The following GRIA1 variants were observed in gnomAD, a reference collection of about 807,000 sequenced individuals.
The protein encoded by GRIA1 is glutamate receptor 1.
In GRIA1, 31 loss-of-function variants were observed where a neutral mutation model predicts 99.2. The ratio of observed to expected loss-of-function variants is 0.31; its 90% CI spans 0.23 to 0.42. GRIA1 has a LOEUF of 0.42. GRIA1 is among the 10% of genes least tolerant of loss of function. The pLI is 1.00. For missense variants in GRIA1, 782 were observed against 1,157.5 expected (o/e 0.68, Z 4.71); for synonymous variants, 438 against 432.4 (o/e 1.01, Z -0.16).
intron 1 of GRIA1, chr5:153,492,162 G>A: frequency 6.7e-7 from 1 of 1,496,094 alleles, no homozygotes. Context: ...TGTGTTTGAG[G>A]GGGGATGTGG....
At chr5:153,629,023 TC>T (rs1025034374) in intron 2 of GRIA1, among the ~76,000 whole-genome samples, 3 of 152,158 alleles carry the variant, frequency 2.0e-5, no homozygotes, top group Non-Finnish European at 4.4e-5. Context: ...AATGAGAACC[TC>T]CAGCCCAGGG....
At chr5:153,577,167 TGGATGGATGGA>T (rs1762641608) in intron 2 of GRIA1, among the ~76,000 whole-genome samples, 1 of 148,806 alleles carries the variant, frequency 6.7e-6, no homozygotes, top group African/African-American at 2.5e-5. Flanking sequence ...GATGGATGGA[TGGATGGATGGA>T]TGGATGGATG....
Position 153,647,106 on chromosome 5 carries a change from C to T in GRIA1, c.399C>T (p.Leu133=). Residue 133 remains leucine, a synonymous_variant, in exon 3 of 16, where the codon CTC becomes CTT. Coordinates refer to ENST00000285900, the MANE Select transcript of GRIA1 (RefSeq NM_000827.4). ...TGCGCCCTGAACTGCAGGATGCCCT[C>T]ATCAGCATCATTGACCATTACAAGT... is the stretch of plus-strand genomic sequence containing the variant. The part of the protein sequence containing the change: ...LQLRPELQDA[L]ISIIDHYKWQ... 1 of 1,613,862 alleles carries T rather than the reference C, an allele frequency of 6.2e-7. No homozygotes were observed. The highest frequency in any genetic ancestry group is 8.5e-7 in the Non-Finnish European group (1 of 1,179,856).
intron 8 of GRIA1, among the ~76,000 whole-genome samples, chr5:153,693,300 G>A (rs1757891093): frequency 6.6e-6 from 1 of 152,112 alleles, no homozygotes; most frequent in South Asian, 2.1e-4. Flanking sequence ...CTCAATCAGA[G>A]GTAAAACAAG....
intron 2 of GRIA1, among the ~76,000 whole-genome samples, chr5:153,634,650 C>G (rs1443352672): frequency 6.6e-6 from 1 of 152,174 alleles, no homozygotes; most frequent in African/African-American, 2.4e-5. Context: ...ATCTCACACC[C>G]CTGCGGAAAA....
intron 11 of GRIA1, among the ~76,000 whole-genome samples, chr5:153,729,396 A>T (rs990024181): frequency 6.6e-6 from 1 of 151,988 alleles, no homozygotes; most frequent in Admixed American, 6.6e-5. Context: ...ATAATAAAAT[A>T]AAATTAATTA....
At chr5:153,597,842 T>TAAA (rs372705510) in intron 2 of GRIA1, among the ~76,000 whole-genome samples, 3 of 142,082 alleles carry the variant, frequency 2.1e-5, no homozygotes, top group Non-Finnish European at 1.5e-5. Flanking sequence ...ACCCCGTCTC[T>TAAA]AAAAAAAAAA....
chr5:153,738,644 T>C (rs1189006106), intron 11 of GRIA1, among the ~76,000 whole-genome samples: 1 of 151,802 alleles, frequency 6.6e-6, no homozygotes, highest in South Asian at 2.1e-4. Context: ...TCCTCCACCC[T>C]TGCTGCCATG....
chr5:153,504,559 G>A (rs888176610), intron 2 of GRIA1, among the ~76,000 whole-genome samples: 2 of 152,068 alleles, frequency 1.3e-5, no homozygotes, highest in Non-Finnish European at 2.9e-5. Context: ...AGTCAGAAGA[G>A]CCACCAATGA....
At chr5:153,562,223 G>A (rs2149353431) in intron 2 of GRIA1, among the ~76,000 whole-genome samples, 1 of 152,276 alleles carries the variant, frequency 6.6e-6, no homozygotes, top group South Asian at 2.1e-4. Context: ...TAAGGGAAGT[G>A]TCATGAGCAG....
intron 2 of GRIA1, among the ~76,000 whole-genome samples, chr5:153,621,184 G>T (rs551089038): frequency 1.3e-5 from 2 of 152,238 alleles, no homozygotes; most frequent in South Asian, 4.1e-4. Context: ...TTCTTGAGAG[G>T]CTTTCTGTGG....
intron 2 of GRIA1, among the ~76,000 whole-genome samples, chr5:153,514,980 G>C (rs1352491751): frequency 6.6e-6 from 1 of 152,086 alleles, no homozygotes; most frequent in Non-Finnish European, 1.5e-5. Context: ...GATGTGAAAA[G>C]AAAAGGAAAC....
chr5:153,674,589 G>A lies in GRIA1; in HGVS notation c.789G>A (p.Pro263=), dbSNP rs763737637. The part of the protein sequence containing the change: ...FQLVNYTDTI[P]AKIMQQWKNS... ...TGGTGAACTACACAGACACTATTCC[G>A]GCCAAGATCATGCAGCAGTGGAAGA... Residue 263 remains proline (P), a synonymous_variant, in exon 6 of 16, where the codon CCG becomes CCA. Coordinates refer to ENST00000285900, the MANE Select transcript of GRIA1 (RefSeq NM_000827.4). 7.4e-6 allele frequency: 12 copies of A among 1,614,020 alleles called. No individual in the cohort carries two copies. The highest frequency in any genetic ancestry group is 5.0e-5 in the Admixed American group (3 of 60,006).
chr5:153,597,173 AG>A (rs1764505725), intron 2 of GRIA1, among the ~76,000 whole-genome samples: 1 of 152,210 alleles, frequency 6.6e-6, no homozygotes, highest in African/African-American at 2.4e-5. Flanking sequence ...CCTGTTTTGA[AG>A]GGGCGCTTTG....
At chr5:153,538,783 T>G (rs1211664342) in intron 2 of GRIA1, among the ~76,000 whole-genome samples, 1 of 152,192 alleles carries the variant, frequency 6.6e-6, no homozygotes, top group African/African-American at 2.4e-5. Context: ...AGAGGCCATG[T>G]TCAGTTTCCA....
chr5:153,756,904 T>C (rs945748366), intron 11 of GRIA1, among the ~76,000 whole-genome samples: 9 of 152,168 alleles, frequency 5.9e-5, no homozygotes, highest in African/African-American at 1.9e-4. Flanking sequence ...TGTAAAGAGA[T>C]TGACATACAT....
In GRIA1 at chr5:153,569,102, G is replaced by T. The variant is rs191833545; in HGVS notation, c.220+75037G>T. On this transcript the variant is annotated intron_variant, in intron 2 of 15. Coordinates refer to ENST00000285900, the MANE Select transcript of GRIA1 (RefSeq NM_000827.4). The stretch of plus-strand genomic sequence containing the variant: ...GATAGCATTATAATTTCAGGCACAA[G>T]CACAGGTCTTCATAACTAAATTGTA... 1.4e-3 allele frequency among the ~76,000 whole-genome samples: 217 copies of T among 152,254 alleles called. 1 individual carries two copies. Among genetic ancestry groups the T allele is most frequent in the African/African-American group, 4.9e-3 (202 of 41,536 alleles).
intron 3 of GRIA1, among the ~76,000 whole-genome samples, chr5:153,648,469 G>T (rs560380243): frequency 1.3e-5 from 2 of 152,130 alleles, no homozygotes; most frequent in Non-Finnish European, 2.9e-5. Context: ...GAGCCCTGCC[G>T]TTTGTCAGCT....
intron 8 of GRIA1, among the ~76,000 whole-genome samples, chr5:153,697,128 A>G (rs1404927700): frequency 3.9e-5 from 6 of 152,272 alleles, no homozygotes; most frequent in African/African-American, 1.4e-4. Flanking sequence ...CAGACCATTC[A>G]TCTCTCATGA....
Sources: allele counts gnomAD v4.1 joint callset (sites outside exome capture counted in the v4.1 genomes callset), GRCh38; gene constraint gnomAD v4.1.1; transcripts MANE v1.5; gene names NCBI Gene and HGNC (gene_info 2026-07-23, HGNC 2026-07-21).